ITGAV: variants seen among roughly 807,000 people sequenced by gnomAD.
ITGAV encodes integrin alpha-V.
Under a neutral mutation model 143.8 loss-of-function variants are expected in ITGAV, and 76 were observed. The ratio of observed to expected loss-of-function variants is 0.53; its 90% CI spans 0.44 to 0.64. The LOEUF is 0.64. ITGAV is among the 30% of genes least tolerant of loss of function. ITGAV has a pLI of 0.00. For synonymous variants in ITGAV, 453 were observed against 446.7 expected (o/e 1.01, Z -0.18); for missense variants, 1,193 against 1,274.7 (o/e 0.94, Z 0.98).
At chr2:186,610,872 T>G (rs1687196665) in intron 2 of ITGAV, among the ~76,000 whole-genome samples, 1 of 152,210 alleles carries the variant, frequency 6.6e-6, no homozygotes, top group African/African-American at 2.4e-5. Context: ...ACTATTCATG[T>G]AGCAAACCTA....
At chr2:186,675,966 A>G (rs764467709) in intron 28 of ITGAV, 39 bp downstream of exon 28, 3 of 1,071,032 alleles carry the variant, frequency 2.8e-6, no homozygotes, top group South Asian at 2.7e-5. Context: ...AAATTTACTC[A>G]ATTCAAATGC....
chr2:186,667,619 C>A, intron 23 of ITGAV, 52 bp from the exon 24 acceptor site: 1 of 931,558 alleles, frequency 1.1e-6, no homozygotes, highest in South Asian at 1.7e-5. Flanking sequence ...TGAAAATGAA[C>A]TGACTATATC....
chr2:186,605,175 AG>A (rs1280666901), intron 2 of ITGAV, among the ~76,000 whole-genome samples: 1 of 152,130 alleles, frequency 6.6e-6, no homozygotes, highest in Non-Finnish European at 1.5e-5. Flanking sequence ...AGGTGTAGAG[AG>A]CCACGTGACA....
chr2:186,594,624 T>A (rs1190253733), intron 1 of ITGAV, among the ~76,000 whole-genome samples: 2 of 152,212 alleles, frequency 1.3e-5, no homozygotes, highest in African/African-American at 4.8e-5. Flanking sequence ...CCTGGTATTC[T>A]GTTGCAAAAA....
intron 2 of ITGAV, among the ~76,000 whole-genome samples, chr2:186,605,797 A>AATATATTCTTATGTATATGTATAATAC (rs1553498867): frequency 9.8e-4 from 1 of 1,022 alleles, no homozygotes; most frequent in Non-Finnish European, 4.0e-3. Flanking sequence ...GTATATGTAT[A>AATATATTCTTATGTATATGTATAATAC]ATATATTCTT....
chr2:186,602,847 A>C (rs1246721471), intron 2 of ITGAV, among the ~76,000 whole-genome samples: 1 of 147,682 alleles, frequency 6.8e-6, no homozygotes, highest in Non-Finnish European at 1.5e-5. Flanking sequence ...ACTGCACTCT[A>C]GCCTGGGTGA....
In ITGAV at chr2:186,625,669, G is replaced by GTGTA. The variant is rs1553501197; in HGVS notation, c.523+85_523+86insATGT. ...TAAAAATATGTGTGTGTGGGTGTGT[G>GTGTA]TGTGTGTGTGAGAGAGAGAGATATT... On this transcript the variant is annotated intron_variant, in intron 4 of 29. Transcript: ENST00000261023. 7.0e-4 allele frequency: 418 copies of GTGTA among 593,402 alleles called. 2 individuals carry two copies. The African/African-American group carries it at 8.5e-3, about 12-fold the overall frequency. 36.8% of individuals were successfully genotyped at this position (593,402 alleles called of 1,614,324 possible). A position where few individuals can be genotyped will look rare whatever the true frequency, so the allele number is the denominator to read the frequency against.
intron 21 of ITGAV, among the ~76,000 whole-genome samples, chr2:186,666,475 G>A (rs947765815): frequency 7.2e-5 from 11 of 152,150 alleles, no homozygotes; most frequent in African/African-American, 2.7e-4. Context: ...TTATAAGGAG[G>A]TATAATTATG....
chr2:186,677,573 T>A lies in ITGAV; in HGVS notation c.*281T>A. 1 of 240,312 alleles carries A rather than the reference T, an allele frequency of 4.2e-6. No homozygotes were observed. The highest frequency in any genetic ancestry group is 8.2e-6 in the Non-Finnish European group (1 of 122,694). The allele number at this position is 240,312 out of a possible 1,614,324, so 14.9% of individuals were successfully genotyped here. On this transcript the variant is annotated 3_prime_UTR_variant, in exon 30 of 30. Coordinates refer to ENST00000261023, the MANE Select transcript of ITGAV (RefSeq NM_002210.5). ...TGTATATAAGACAGGTAGTGCCTGA[T>A]TTACTACTTTATATAAAATAGTACC...
At chr2:186,641,772 A>C in intron 12 of ITGAV, 184 bp downstream of exon 12, 1 of 585,858 alleles carries the variant, frequency 1.7e-6, no homozygotes, top group Non-Finnish European at 3.0e-6. Flanking sequence ...ATCAGAGCAA[A>C]GATTTCAATA....
Position 186,651,757 on chromosome 2 carries a change from G to A in ITGAV, c.1398-225G>A, listed in dbSNP as rs547756678. The stretch of plus-strand genomic sequence containing the variant: ...TGTCCCACTTTGTCTGGAACTGAGC[G>A]ATTTCCCAGGATGCAGGAGTTTCTG... On this transcript the variant is annotated intron_variant, in intron 14 of 29. Transcript: ENST00000261023. Among the ~76,000 whole-genome samples, 274 of 152,244 alleles carry A rather than the reference G, an allele frequency of 1.8e-3. 3 individuals carry two copies. The highest frequency in any genetic ancestry group is 1.2e-3 in the East Asian group (6 of 5,182).
chr2:186,652,615 T>G (rs1421467409), intron 15 of ITGAV, among the ~76,000 whole-genome samples: 3 of 152,336 alleles, frequency 2.0e-5, no homozygotes, highest in Admixed American at 6.5e-5. Context: ...TTATGCGTGG[T>G]CAATGAATAT....
intron 14 of ITGAV, among the ~76,000 whole-genome samples, 200 bp from the exon 15 acceptor site, chr2:186,651,782 G>T (rs1289576549): frequency 6.6e-6 from 1 of 152,162 alleles, no homozygotes; most frequent in Non-Finnish European, 1.5e-5. Context: ...AGGAGTTTCT[G>T]TGCTAAAATT....
At chr2:186,633,021 A>G (rs370247085) in intron 5 of ITGAV, among the ~76,000 whole-genome samples, 1 of 151,836 alleles carries the variant, frequency 6.6e-6, no homozygotes, top group African/African-American at 2.4e-5. Flanking sequence ...AGATAGATAC[A>G]TAGACAGACA....
At chr2:186,642,561 G>T (rs1482515895) in intron 12 of ITGAV, among the ~76,000 whole-genome samples, 1 of 138,784 alleles carries the variant, frequency 7.2e-6, no homozygotes, top group Non-Finnish European at 1.5e-5. Flanking sequence ...TTGAGGCAGG[G>T]TCTCACTCTG....
chr2:186,669,001 T>C, intron 25 of ITGAV, 81 bp downstream of exon 25: 1 of 1,284,484 alleles, frequency 7.8e-7, no homozygotes, highest in Non-Finnish European at 1.1e-6. Flanking sequence ...ATTCATAAAA[T>C]AAAACAACTA....
intron 12 of ITGAV, among the ~76,000 whole-genome samples, chr2:186,645,606 G>A (rs1420474336): frequency 6.6e-6 from 1 of 152,190 alleles, no homozygotes; most frequent in Non-Finnish European, 1.5e-5. Context: ...GGTGTGACAT[G>A]ATATGGTGAA....
chr2:186,623,819 T>C (rs1687599222), intron 3 of ITGAV, among the ~76,000 whole-genome samples: 1 of 152,134 alleles, frequency 6.6e-6, no homozygotes, highest in South Asian at 2.1e-4. Context: ...TATCTCAACA[T>C]TTATCAGTAG....
chr2:186,632,658 C>A (rs1687844626), intron 5 of ITGAV, among the ~76,000 whole-genome samples: 1 of 152,082 alleles, frequency 6.6e-6, no homozygotes, highest in Non-Finnish European at 1.5e-5. Context: ...AACTTCACTT[C>A]TGTTTAGATC....
Sources: gnomAD v4.1 joint callset for allele counts (sites outside exome capture counted in the v4.1 genomes callset) on GRCh38, gnomAD v4.1.1 for gene constraint, MANE v1.5 for transcripts, NCBI Gene and HGNC (gene_info 2026-07-23, HGNC 2026-07-21) for gene names.